The following FRAS1 variants were observed in gnomAD, a reference collection of about 807,000 sequenced individuals.
FRAS1 encodes Fraser extracellular matrix complex subunit 1.
In FRAS1, 290 loss-of-function variants were observed where a neutral mutation model predicts 435.2. The observed-to-expected ratio is 0.67, with a 90% CI of 0.61 to 0.73. The LOEUF (loss-of-function observed/expected upper bound fraction) is 0.73, where lower values mean the gene tolerates loss of function less well. Ranked by LOEUF, FRAS1 falls within the 30% of genes least tolerant of loss-of-function variation. The pLI is 0.00. For missense variants in FRAS1, 4,860 were observed against 5,001.5 expected (o/e 0.97, Z 0.85); for synonymous variants, 1,800 against 1,851.0 (o/e 0.97, Z 0.71).
intron 14 of FRAS1, among the ~76,000 whole-genome samples, chr4:78,288,209 A>G (rs893693604): frequency 5.3e-5 from 8 of 152,232 alleles, no homozygotes; most frequent in African/African-American, 1.9e-4. Flanking sequence ...TAAGTGTCTA[A>G]TGGTTGGGCA....
chr4:78,459,478 G>A (rs1479603812), intron 47 of FRAS1, among the ~76,000 whole-genome samples: 1 of 152,354 alleles, frequency 6.6e-6, no homozygotes, highest in East Asian at 1.9e-4. Flanking sequence ...CCACCTAAGA[G>A]AGTGGTGGGA....
intron 69 of FRAS1, among the ~76,000 whole-genome samples, chr4:78,523,919 C>T (rs1289429322): frequency 6.6e-6 from 1 of 152,180 alleles, no homozygotes; most frequent in Non-Finnish European, 1.5e-5. Flanking sequence ...CTCACCAATC[C>T]CTGAACCCAC....
chr4:78,280,531 T>G lies in FRAS1; in HGVS notation c.1072-867T>G, dbSNP rs141607069. 1.5e-4 allele frequency among the ~76,000 whole-genome samples: 23 copies of G among 152,280 alleles called. 1 individual carries two copies. The highest frequency in any genetic ancestry group is 3.4e-3 in the Middle Eastern group (1 of 294). ...CTGAAACTGCAGGAAGTGAAACATG[T>G]ATATGAATTAGGGATAAGGAGTTTG... is the stretch of plus-strand genomic sequence containing the variant. On this transcript the variant is annotated intron_variant, in intron 10 of 73. Coordinates refer to ENST00000512123, the MANE Select transcript of FRAS1 (RefSeq NM_025074.7).
At chr4:78,359,698 GAGTT>G (rs780296077) in intron 20 of FRAS1, among the ~76,000 whole-genome samples, 4 of 152,282 alleles carry the variant, frequency 2.6e-5, no homozygotes, top group South Asian at 2.1e-4. Context: ...TGAACAAAAA[GAGTT>G]AGAGAGTTGA....
intron 46 of FRAS1, 121 bp from the exon 47 acceptor site, chr4:78,452,054 T>C (rs1286095382): frequency 1.6e-6 from 2 of 1,257,540 alleles, no homozygotes; most frequent in Non-Finnish European, 2.2e-6. Flanking sequence ...GGCTCCTTGG[T>C]GTGCTCTCTA....
At chr4:78,098,780 TA>T (rs1006859414) in intron 2 of FRAS1, among the ~76,000 whole-genome samples, 19 of 152,322 alleles carry the variant, frequency 1.2e-4, no homozygotes, top group African/African-American at 4.6e-4. Flanking sequence ...GAGCCCAGAA[TA>T]AATAGTCAGT....
intron 31 of FRAS1, among the ~76,000 whole-genome samples, chr4:78,411,412 G>A (rs749185704): frequency 2.0e-5 from 3 of 152,084 alleles, no homozygotes; most frequent in Non-Finnish European, 4.4e-5. Context: ...CCGTCCAGCC[G>A]AGTTGCATGG....
At chr4:78,429,465 C>T (rs914234399) in intron 36 of FRAS1, among the ~76,000 whole-genome samples, 2 of 152,006 alleles carry the variant, frequency 1.3e-5, no homozygotes, top group African/African-American at 2.4e-5. Context: ...ACTGATTTTC[C>T]GGGAGTTTGC....
intron 20 of FRAS1, among the ~76,000 whole-genome samples, chr4:78,361,148 C>T (rs898880488): frequency 6.6e-6 from 1 of 152,226 alleles, no homozygotes; most frequent in Non-Finnish European, 1.5e-5. Context: ...AACACTATCA[C>T]CTTCATTTGC....
At chr4:78,195,573 G>T (rs568212511) in intron 2 of FRAS1, among the ~76,000 whole-genome samples, 71 of 151,602 alleles carry the variant, frequency 4.7e-4, no homozygotes, top group East Asian at 7.7e-4. Flanking sequence ...CTTCGAGCCA[G>T]GCGTGGGATA....
intron 22 of FRAS1, among the ~76,000 whole-genome samples, chr4:78,364,679 G>GA (rs1371838694): frequency 4.6e-5 from 7 of 151,906 alleles, no homozygotes; most frequent in Non-Finnish European, 8.8e-5. Flanking sequence ...AAATTTGCCT[G>GA]AAAAAAAATT....
intron 18 of FRAS1, among the ~76,000 whole-genome samples, chr4:78,321,729 C>T (rs1292148102): frequency 6.6e-6 from 1 of 151,110 alleles, no homozygotes; most frequent in Non-Finnish European, 1.5e-5. Flanking sequence ...CCTGTAGTCC[C>T]AGCTACTTGG....
At chr4:78,268,049 G>A (rs918417755) in intron 9 of FRAS1, among the ~76,000 whole-genome samples, 1 of 152,122 alleles carries the variant, frequency 6.6e-6, no homozygotes, top group Non-Finnish European at 1.5e-5. Flanking sequence ...ATGTTGGAGG[G>A]AAATGACTTT....
At chr4:78,112,802 A>G (rs1410473071) in intron 2 of FRAS1, among the ~76,000 whole-genome samples, 1 of 137,406 alleles carries the variant, frequency 7.3e-6, no homozygotes, top group Non-Finnish European at 1.6e-5. Context: ...ATTTTTTTAA[A>G]TTTTTACTTT....
intron 2 of FRAS1, among the ~76,000 whole-genome samples, chr4:78,134,598 A>G (rs1048105039): frequency 6.6e-6 from 1 of 152,212 alleles, no homozygotes; most frequent in Non-Finnish European, 1.5e-5. Flanking sequence ...TTCATGATAG[A>G]TAACCCAAAA....
At chr4:78,074,439 G>A (rs1740529205) in intron 2 of FRAS1, among the ~76,000 whole-genome samples, 1 of 152,132 alleles carries the variant, frequency 6.6e-6, no homozygotes, top group Admixed American at 6.5e-5. Flanking sequence ...ATGTGTAGTA[G>A]TAGTGATCCA....
intron 2 of FRAS1, among the ~76,000 whole-genome samples, chr4:78,098,940 G>A (rs17002936): frequency 0.061 from 9,310 of 152,258 alleles, 770 homozygotes; most frequent in African/African-American, 0.19. Flanking sequence ...ACTTGGAAAC[G>A]TGCTCTCTTT....
intron 15 of FRAS1, among the ~76,000 whole-genome samples, chr4:78,313,831 A>G (rs1049472783): frequency 6.6e-6 from 1 of 152,190 alleles, no homozygotes; most frequent in Admixed American, 6.5e-5. Flanking sequence ...TTCTGTTCTC[A>G]GCCTGAGTCC....
chr4:78,221,150 A>G (rs1163853306), intron 2 of FRAS1, among the ~76,000 whole-genome samples: 1 of 152,254 alleles, frequency 6.6e-6, no homozygotes, highest in African/African-American at 2.4e-5. Flanking sequence ...CCTGGGCGAC[A>G]TAGCCAGACT....
Sources: allele counts gnomAD v4.1 joint callset (sites outside exome capture counted in the v4.1 genomes callset), GRCh38; gene constraint gnomAD v4.1.1; transcripts MANE v1.5; gene names NCBI Gene and HGNC (gene_info 2026-07-23, HGNC 2026-07-21).